The following KCNG3 variants were observed in gnomAD, a reference collection of about 807,000 sequenced individuals.
KCNG3 encodes voltage-gated potassium channel regulatory subunit KCNG3.
In KCNG3, 15 loss-of-function variants were observed where a neutral mutation model predicts 29.0. The observed-to-expected ratio is 0.52, with a 90% confidence interval of 0.35 to 0.80. The LOEUF (loss-of-function observed/expected upper bound fraction) is 0.80. Ranked by LOEUF, KCNG3 falls within the 30% of genes least tolerant of loss-of-function variation. KCNG3 has a pLI of 0.01. For synonymous variants in KCNG3, 322 were observed against 248.9 expected (o/e 1.29, Z -2.76); for missense variants, 512 against 605.7 (o/e 0.85, Z 1.62).
chr2:42,458,894 T>C (rs1182037757), intron 1 of KCNG3, among the ~76,000 whole-genome samples: 1 of 152,000 alleles, frequency 6.6e-6, no homozygotes, highest in Non-Finnish European at 1.5e-5. Flanking sequence ...GATGAAGAAC[T>C]GAGACCATTC....
intron 1 of KCNG3, among the ~76,000 whole-genome samples, chr2:42,466,719 T>C (rs1287180470): frequency 6.6e-6 from 1 of 150,904 alleles, no homozygotes; most frequent in East Asian, 1.9e-4. Flanking sequence ...GTTTTTGCCA[T>C]AGGAATTAGT....
At chr2:42,440,003 A>T (rs1314007334), downstream of KCNG3, among the ~76,000 whole-genome samples, 1 of 152,188 alleles carries the variant, frequency 6.6e-6, no homozygotes, top group African/African-American at 2.4e-5. Flanking sequence ...TCTTAAAGGA[A>T]GTATATCCAG....
intron 1 of KCNG3, among the ~76,000 whole-genome samples, chr2:42,462,484 C>A (rs1181528300): frequency 6.6e-6 from 1 of 152,064 alleles, no homozygotes; most frequent in African/African-American, 2.4e-5. Flanking sequence ...GAGTTGGAGA[C>A]CAGCCTGGTC....
the KCNG3 span, among the ~76,000 whole-genome samples, chr2:42,393,899 G>C: frequency 1.9e-4 from 29 of 151,926 alleles, no homozygotes; most frequent in East Asian, 4.7e-3. Flanking sequence ...TCCTGCCTCA[G>C]CCTCCCAAGT....
Position 42,456,209 on chromosome 2 carries a change from A to C in KCNG3, c.666-11630T>G, listed in dbSNP as rs866209267. The stretch of plus-strand genomic sequence containing the variant: ...GTATAAGATGAAAGGCATAGACTGC[A>C]ATCATTTTTTAGCCTCTCCAAAAAT... On this transcript the variant is annotated intron_variant, in intron 1 of 1. Coordinates refer to ENST00000306078, the MANE Select transcript of KCNG3 (RefSeq NM_133329.6). 3.3e-5 allele frequency among the ~76,000 whole-genome samples: 5 copies of C among 152,268 alleles called. No individual in the cohort carries two copies. The Middle Eastern group carries it at 0.014, about 414-fold the overall frequency.
intron 1 of KCNG3, among the ~76,000 whole-genome samples, chr2:42,446,913 G>T (rs1461697244): frequency 4.6e-5 from 7 of 151,856 alleles, no homozygotes. Context: ...GGCCAAGGTG[G>T]GAGTATAGCT....
At chr2:42,408,910 G>A in the KCNG3 span, among the ~76,000 whole-genome samples, 1 of 152,116 alleles carries the variant, frequency 6.6e-6, no homozygotes, top group Non-Finnish European at 1.5e-5. Flanking sequence ...GGGCCCTGCT[G>A]TTCCTGGTGT....
chr2:42,481,724 T>A (rs924716525), intron 1 of KCNG3, among the ~76,000 whole-genome samples: 1 of 152,136 alleles, frequency 6.6e-6, no homozygotes, highest in Non-Finnish European at 1.5e-5. Flanking sequence ...GTTGCTCCAA[T>A]TGACCAAAGA....
At chr2:42,472,894 T>G (rs1464834444) in intron 1 of KCNG3, among the ~76,000 whole-genome samples, 14 of 98,334 alleles carry the variant, frequency 1.4e-4, no homozygotes, top group South Asian at 1.2e-3. Flanking sequence ...TCGATAGATA[T>G]ATATATATAT....
chr2:42,426,751 G>A, the KCNG3 span, among the ~76,000 whole-genome samples: 5 of 152,118 alleles, frequency 3.3e-5, no homozygotes, highest in African/African-American at 7.2e-5. Flanking sequence ...TACATCCAGG[G>A]ACTTTATCAG....
At chr2:42,394,826 G>A in the KCNG3 span, among the ~76,000 whole-genome samples, 3 of 152,184 alleles carry the variant, frequency 2.0e-5, no homozygotes, top group Non-Finnish European at 2.9e-5. Flanking sequence ...ACCGGCACAC[G>A]TCCTCAACCT....
Position 42,493,411 on chromosome 2 carries a change from G to A in KCNG3, c.91C>T (p.Pro31Ser), listed in dbSNP as rs1282307838. The A allele has an allele frequency of 2.0e-6, 3 of 1,514,828 alleles. No homozygotes were observed. Among genetic ancestry groups the A allele is most frequent in the Non-Finnish European group, 2.6e-6 (3 of 1,134,172 alleles). 93.8% of individuals were successfully genotyped at this position (1,514,828 alleles called of 1,614,324 possible). The change falls in exon 1 of 2, where the codon CCG becomes TCG. Residue 31 changes from proline to serine, a missense_variant. Physicochemically the swap from Pro to Ser is moderately conservative, Grantham distance 74 (BLOSUM62 -1). Transcript: ENST00000306078. ...TGCAGCCGGCTCACGCGGCGCAGCG[G>A]GAAGTCCTTCAGCAGCTCCCGGGAC... is the stretch of plus-strand genomic sequence containing the variant. ...SLSRELLKDF[P>S]LRRVSRLHGC...
chr2:42,484,577 T>A (rs1673675917), intron 1 of KCNG3, among the ~76,000 whole-genome samples: 1 of 152,242 alleles, frequency 6.6e-6, no homozygotes, highest in African/African-American at 2.4e-5. Context: ...CATGTGTATA[T>A]ATGTTCATAT....
At chr2:42,475,091 A>AAT in intron 1 of KCNG3, among the ~76,000 whole-genome samples, 1 of 152,330 alleles carries the variant, frequency 6.6e-6, no homozygotes, top group Middle Eastern at 3.4e-3. Flanking sequence ...GACCTACTGT[A>AAT]ATATATTTTG....
the KCNG3 span, among the ~76,000 whole-genome samples, chr2:42,423,913 T>C: frequency 6.6e-6 from 1 of 152,208 alleles, no homozygotes; most frequent in South Asian, 2.1e-4. Context: ...TGGATTATAC[T>C]ATTTTGATAC....
At chr2:42,392,414 G>A in the KCNG3 span, among the ~76,000 whole-genome samples, 1 of 152,112 alleles carries the variant, frequency 6.6e-6, no homozygotes, top group East Asian at 1.9e-4. Context: ...AATGCCAGGG[G>A]AGGATGGGTG....
chr2:42,459,784 G>C (rs1019393453), intron 1 of KCNG3, among the ~76,000 whole-genome samples: 2 of 152,112 alleles, frequency 1.3e-5, no homozygotes, highest in African/African-American at 4.8e-5. Context: ...AGACCATGCT[G>C]GCTAACATGG....
At chr2:42,427,989 T>C in the KCNG3 span, among the ~76,000 whole-genome samples, 1 of 152,292 alleles carries the variant, frequency 6.6e-6, no homozygotes, top group African/African-American at 2.4e-5. Context: ...TGGAAAATAA[T>C]GTACTCCAGA....
At chr2:42,410,171 T>C in the KCNG3 span, among the ~76,000 whole-genome samples, 3 of 152,210 alleles carry the variant, frequency 2.0e-5, no homozygotes, top group Non-Finnish European at 4.4e-5. Flanking sequence ...TAGTATTCCA[T>C]TGTTGGATGT....
Sources: allele counts gnomAD v4.1 joint callset (sites outside exome capture counted in the v4.1 genomes callset), GRCh38; gene constraint gnomAD v4.1.1; transcripts MANE v1.5; gene names NCBI Gene and HGNC (gene_info 2026-07-23, HGNC 2026-07-21).